Variants in MLPH observed in about 807,000 individuals in gnomAD.
MLPH encodes the protein melanophilin, also known as exophilin-3.
MLPH carries 51 observed loss-of-function variants against 72.1 expected under a neutral mutation model. That is an observed-to-expected ratio of 0.71 (90% CI 0.56 to 0.89). MLPH has a LOEUF of 0.89. Ranked by LOEUF, MLPH falls within the 40% of genes least tolerant of loss-of-function variation. The pLI is 0.00. For missense variants in MLPH, 743 were observed against 759.9 expected, an observed-to-expected ratio of 0.98 and a Z score of 0.26; for synonymous variants, 301 against 310.1, an observed-to-expected ratio of 0.97 and a Z score of 0.31.
chr2:237,529,533 G>A (rs144650275), intron 8 of MLPH, among the ~76,000 whole-genome samples: 1 of 152,192 alleles, frequency 6.6e-6, no homozygotes, highest in African/African-American at 2.4e-5. Context: ...ATTTGAGCAA[G>A]TTCATGTTAC....
At chr2:237,533,756 T>C (rs1486362129) in intron 8 of MLPH, among the ~76,000 whole-genome samples, 1 of 152,262 alleles carries the variant, frequency 6.6e-6, no homozygotes, top group Non-Finnish European at 1.5e-5. Flanking sequence ...ACTCAGTTAC[T>C]AGTGGCCGCT....
chr2:237,495,641 C>T (rs978499667), intron 2 of MLPH, among the ~76,000 whole-genome samples: 3 of 152,170 alleles, frequency 2.0e-5, no homozygotes, highest in Admixed American at 6.5e-5. Flanking sequence ...GGGGAGGGGC[C>T]GGCGTCAGAG....
At chr2:237,534,676 G>A in intron 9 of MLPH, 29 bp downstream of exon 9, 2 of 1,560,080 alleles carry the variant, frequency 1.3e-6, no homozygotes, top group South Asian at 1.1e-5. Flanking sequence ...CAAAGAGAAA[G>A]GGCCCCCACA....
At position 237,541,519 on chromosome 2, in the gene MLPH, C is replaced by T. The variant is rs1403862186; in HGVS notation, c.1446+562C>T. Among the ~76,000 whole-genome samples, 1 of 152,190 alleles carries T rather than the reference C, an allele frequency of 6.6e-6. No homozygotes were observed. Among genetic ancestry groups the T allele is most frequent in the Non-Finnish European group, 1.5e-5 (1 of 68,034 alleles). On this transcript the variant is annotated intron_variant, in intron 11 of 15. Coordinates refer to ENST00000264605, the MANE Select transcript of MLPH (RefSeq NM_024101.7). The surrounding 1 kb of genome is among the most constrained non-coding windows in gnomAD (Gnocchi z 5.1). Reference sequence around the variant, plus strand: ...CTCTCGGACTGTGAGGACAGCCAGCCCCCACGGCCCTCCTCCACTTCCCTT... The same window carrying T: ...CTCTCGGACTGTGAGGACAGCCAGCTCCCACGGCCCTCCTCCACTTCCCTT...
At chr2:237,528,505 C>T (rs2106346342) in intron 8 of MLPH, among the ~76,000 whole-genome samples, 1 of 152,166 alleles carries the variant, frequency 6.6e-6, no homozygotes, top group Admixed American at 6.5e-5. Context: ...CGTGCACCAC[C>T]ATGCCTGGCT....
intron 2 of MLPH, among the ~76,000 whole-genome samples, chr2:237,499,748 T>G (rs181249132): frequency 3.3e-5 from 5 of 152,294 alleles, no homozygotes; most frequent in East Asian, 1.9e-4. Context: ...TTTACTTTTT[T>G]TTTGTTTGTT....
chr2:237,540,750 A>T (rs1418641447), intron 10 of MLPH, 52 bp from the exon 11 acceptor site: 1 of 1,604,386 alleles, frequency 6.2e-7, no homozygotes, highest in Non-Finnish European at 8.5e-7. Flanking sequence ...ATCTGGGTGA[A>T]ACCCCACACT....
rs1482023788 is a variant in MLPH at position 237,517,963 on chromosome 2, C to CTGAT, written c.446-568_446-565dup. ...AGTAGGTAGATGGATAGATGGGCCA[C>CTGAT]TGATTGATTGAGTGGATGGATGGAT... On this transcript the variant is annotated intron_variant, in intron 4 of 15. Transcript: ENST00000264605. 2.6e-5 allele frequency: 5 copies of CTGAT among 190,106 alleles called. No individual in the cohort carries two copies. The East Asian group carries it at 5.8e-4, about 22-fold the overall frequency. The allele number at this position is 190,106 out of a possible 1,614,324, so 11.8% of individuals were successfully genotyped here. A position where few individuals can be genotyped will look rare whatever the true frequency, so the allele number is the denominator to read the frequency against.
intron 2 of MLPH, among the ~76,000 whole-genome samples, chr2:237,508,272 T>C (rs2079818275): frequency 6.6e-6 from 1 of 152,058 alleles, no homozygotes; most frequent in Non-Finnish European, 1.5e-5. Context: ...CCACTGTGCC[T>C]GGCTAATTTT....
At chr2:237,488,978 A>C in intron 1 of MLPH, among the ~76,000 whole-genome samples, 3 of 150,186 alleles carry the variant, frequency 2.0e-5, no homozygotes, top group Non-Finnish European at 3.0e-5. Context: ...CCACACCATC[A>C]CTCCCCCTCT....
chr2:237,527,233 G>A (rs895552938), intron 7 of MLPH, 144 bp from the exon 8 acceptor site: 2 of 997,242 alleles, frequency 2.0e-6, no homozygotes, highest in Non-Finnish European at 3.1e-6. Flanking sequence ...CATTCTTATT[G>A]TGACTTTGGA....
chr2:237,495,101 T>C (rs1249798927), intron 2 of MLPH, among the ~76,000 whole-genome samples: 1 of 152,158 alleles, frequency 6.6e-6, no homozygotes, highest in Non-Finnish European at 1.5e-5. Flanking sequence ...CAGCACAATG[T>C]CTAACAATGT....
At position 237,498,731 on chromosome 2, in the gene MLPH, T is replaced by G. The variant is rs115927105; in HGVS notation, c.110+5195T>G. ...TCAAGTCATCTGTGCCACTAGGGAT[T>G]TGGGAATGGGCTGTTTGCTATATAG... On this transcript the variant is annotated intron_variant, in intron 2 of 15. Coordinates refer to ENST00000264605, the MANE Select transcript of MLPH (RefSeq NM_024101.7). Among the ~76,000 whole-genome samples the G allele has an allele frequency of 3.8e-3, 577 of 152,276 alleles. 4 individuals are homozygous for G. The highest frequency in any genetic ancestry group is 0.013 in the African/African-American group (548 of 41,550).
chr2:237,530,097 G>A (rs372701551), intron 8 of MLPH, among the ~76,000 whole-genome samples: 32 of 152,354 alleles, frequency 2.1e-4, no homozygotes, highest in South Asian at 2.1e-3. Flanking sequence ...TCGGTGCACA[G>A]GACGACCTGA....
rs1419944884 is a variant in MLPH, at chr2:237,512,161, C to T, written c.445+1060C>T. ...AGGCTGTGCTTCTGGATTGGGGCGT[C>T]CTCACCATGCCCCAGCCCAGGCGTC... On this transcript the variant is annotated intron_variant, in intron 4 of 15. Transcript: ENST00000264605. This position sits in a 1 kb window ranked among gnomAD's most constrained non-coding sequence, Gnocchi z 5.5. Among the ~76,000 whole-genome samples, 1 of 152,228 alleles carries T rather than the reference C, an allele frequency of 6.6e-6. No homozygotes were observed. Among genetic ancestry groups the T allele is most frequent in the Admixed American group, 6.5e-5 (1 of 15,284 alleles).
chr2:237,522,444 C>T (rs111530643), intron 6 of MLPH, among the ~76,000 whole-genome samples: 3 of 114,122 alleles, frequency 2.6e-5, no homozygotes, highest in Admixed American at 8.0e-5. Context: ...TGGGGTTGGG[C>T]CTTCAAACAC....
At chr2:237,517,843 C>G (rs2080083893) in intron 4 of MLPH, among the ~76,000 whole-genome samples, 1 of 139,624 alleles carries the variant, frequency 7.2e-6, no homozygotes, top group African/African-American at 2.7e-5. Context: ...AGGAGAGAGG[C>G]ATGGGTGGTA....
chr2:237,511,264 C>A (rs1469333834), intron 4 of MLPH, 163 bp downstream of exon 4: 2 of 549,120 alleles, frequency 3.6e-6, no homozygotes, highest in Non-Finnish European at 6.3e-6. Context: ...CTGCTTCTGG[C>A]TGCTTTTTTT....
At chr2:237,537,934 G>A (rs535568820) in intron 9 of MLPH, among the ~76,000 whole-genome samples, 4 of 152,320 alleles carry the variant, frequency 2.6e-5, no homozygotes, top group Middle Eastern at 3.4e-3. Flanking sequence ...CTTCAAAGTC[G>A]ACTTCATGGG....
Sources: allele counts gnomAD v4.1 joint callset (sites outside exome capture counted in the v4.1 genomes callset), GRCh38; gene constraint gnomAD v4.1.1; non-coding constraint Gnocchi (gnomAD v3.1); transcripts MANE v1.5; gene names NCBI Gene and HGNC (gene_info 2026-07-23, HGNC 2026-07-21).